The following KCNQ1 variants were observed in gnomAD, a reference collection of about 807,000 sequenced individuals.
KCNQ1 encodes the protein potassium voltage-gated channel subfamily KQT member 1.
A neutral mutation model predicts 72.4 loss-of-function variants in KCNQ1; 49 were observed. The observed-to-expected ratio is 0.68, with a 90% CI of 0.54 to 0.86. The LOEUF (loss-of-function observed/expected upper bound fraction) is 0.86, where lower values mean the gene tolerates loss of function less well. KCNQ1 is among the 40% of genes least tolerant of loss of function. The pLI is 0.00. For missense variants in KCNQ1, 790 were observed against 945.1 expected, an observed-to-expected ratio of 0.84 and a Z score of 2.15; for synonymous variants, 450 against 412.6, an observed-to-expected ratio of 1.09 and a Z score of -1.10.
Position 2,668,171 on chromosome 11 carries a change from T to A in KCNQ1, c.1514+6090T>A, listed in dbSNP as rs548287020. On this transcript the variant is annotated intron_variant, in intron 11 of 15. Transcript: ENST00000155840. This position sits in a 1 kb window ranked among gnomAD's most constrained non-coding sequence, Gnocchi z 4.3. ...GAGAGTGCTCCCTCATGCTCCTTGC[T>A]GACTGGTGCTCCATTGTGTGCATGG... is the stretch of plus-strand genomic sequence containing the variant. 1.0e-5 allele frequency: 4 copies of A among 398,684 alleles called. No homozygotes were observed. In the South Asian group the frequency reaches 3.8e-4, roughly 38 times the overall value. The allele number at this position is 398,684 out of a possible 1,614,324, so 24.7% of individuals were successfully genotyped here.
In KCNQ1 at chr11:2,447,125, T is replaced by TGGAGGAAGA. The variant is rs1006837556; in HGVS notation, c.386+1653_386+1661dup. Among the ~76,000 whole-genome samples the TGGAGGAAGA allele has an allele frequency of 2.1e-4, 32 of 152,198 alleles. No individual in the cohort carries two copies. Among genetic ancestry groups the TGGAGGAAGA allele is most frequent in the African/African-American group, 6.8e-4 (28 of 41,450 alleles). On this transcript the variant is annotated intron_variant, in intron 1 of 15. Coordinates refer to ENST00000155840, the MANE Select transcript of KCNQ1 (RefSeq NM_000218.3). This position sits in a 1 kb window ranked among gnomAD's most constrained non-coding sequence, Gnocchi z 7.6. ...TCCGGGCTCACTGCAGCCACCCGTG[T>TGGAGGAAGA]GGAGGAAGAGGAGGAAGAGGGCTCG...
chr11:2,631,376 C>G (rs1849350139), intron 10 of KCNQ1: 1 of 398,222 alleles, frequency 2.5e-6, no homozygotes. Flanking sequence ...CTGATGCTTT[C>G]TATTTCACTT....
At chr11:2,775,013 G>A (rs1293817471) in intron 12 of KCNQ1, among the ~76,000 whole-genome samples, 3 of 152,178 alleles carry the variant, frequency 2.0e-5, no homozygotes, top group African/African-American at 4.8e-5. Context: ...CACTAGCTCA[G>A]TGCTAAGGTG....
Position 2,691,030 on chromosome 11 carries a change from G to A in KCNQ1, c.1514+28949G>A. 1 of 398,660 alleles carries A rather than the reference G, an allele frequency of 2.5e-6. No individual in the cohort carries two copies. The highest frequency in any genetic ancestry group is 4.4e-6 in the Non-Finnish European group (1 of 226,086). The allele number at this position is 398,660 out of a possible 1,614,324, so 24.7% of individuals were successfully genotyped here. ...AAGCTCTGGGTGAACTCTTGGCTCAGGTATCAGGATATGCTGGGTGAGGGA... is the reference window on the plus strand; with the variant it reads ...AAGCTCTGGGTGAACTCTTGGCTCAAGTATCAGGATATGCTGGGTGAGGGA... On this transcript the variant is annotated intron_variant, in intron 11 of 15. Transcript: ENST00000155840. This position sits in a 1 kb window ranked among gnomAD's most constrained non-coding sequence, Gnocchi z 6.4.
chr11:2,588,831 C>G lies in KCNQ1; in HGVS notation c.1370C>G (p.Ser457Cys). Residue 457 changes from serine (S) to cysteine (C), a missense_variant, in exon 10 of 16, where the codon TCT (serine) becomes TGT (cysteine). By Grantham distance (112) the Ser-to-Cys change is moderately radical (BLOSUM62 -1). This residue lies in a region of KCNQ1 where 178 missense variants were observed against 177.9 expected (regional missense o/e 1.00). Coordinates refer to ENST00000155840, the MANE Select transcript of KCNQ1 (RefSeq NM_000218.3). The surrounding 1 kb of genome is among the most constrained non-coding windows in gnomAD (Gnocchi z 5.6). The stretch of plus-strand genomic sequence containing the variant: ...GAAGAGCGGCGGCTGGACCACTTCT[C>G]TGTCGACGGCTATGACAGTTCTGGT... ...PPEERRLDHF[S>C]VDGYDSSVRK... 1 of 1,612,320 alleles carries G rather than the reference C, an allele frequency of 6.2e-7. No homozygotes were observed. The highest frequency in any genetic ancestry group is 8.5e-7 in the Non-Finnish European group (1 of 1,179,854).
Position 2,797,574 on chromosome 11 carries a change from G to A in KCNQ1, c.1794+19537G>A, listed in dbSNP as rs1378046892. ...ACCCACCACCCTTGCTCCGGAGCTC[G>A]AGGGCCCTTTCCCCACTAGCATCTG... is the stretch of plus-strand genomic sequence containing the variant. On this transcript the variant is annotated intron_variant, in intron 15 of 15. Coordinates refer to ENST00000155840, the MANE Select transcript of KCNQ1 (RefSeq NM_000218.3). Among the ~76,000 whole-genome samples, 6 of 152,158 alleles carry A rather than the reference G, an allele frequency of 3.9e-5. No individual in the cohort carries two copies. The South Asian group carries it at 6.2e-4, about 16-fold the overall frequency.
At position 2,484,255 on chromosome 11, in the gene KCNQ1, C is replaced by T. The variant is rs764470472; in HGVS notation, c.386+38771C>T. 2.0e-5 allele frequency among the ~76,000 whole-genome samples: 3 copies of T among 152,108 alleles called. No individual in the cohort carries two copies. Among genetic ancestry groups the T allele is most frequent in the Admixed American group, 6.5e-5 (1 of 15,268 alleles). ...CTCGGCTCACTGAAACCTCTGCCTC[C>T]GGGGTTCAAGTGATTCTCCTGCCTC... On this transcript the variant is annotated intron_variant, in intron 1 of 15. Coordinates refer to ENST00000155840, the MANE Select transcript of KCNQ1 (RefSeq NM_000218.3). The surrounding 1 kb of genome is among the most constrained non-coding windows in gnomAD (Gnocchi z 5.2).
Position 2,457,268 on chromosome 11 carries a change from A to ATTGGT in KCNQ1, c.386+11784_386+11785insTTGGT, listed in dbSNP as rs1846209776. On this transcript the variant is annotated intron_variant, in intron 1 of 15. Transcript: ENST00000155840. This position sits in a 1 kb window ranked among gnomAD's most constrained non-coding sequence, Gnocchi z 5.0. ...TTCCCAAAGAACCAAGAGTTGAACTACCATTCGATCCAGCAGTCCCGTGTG... is the reference window on the plus strand; with the variant it reads ...TTCCCAAAGAACCAAGAGTTGAACTATTGGTCCATTCGATCCAGCAGTCCCGTGTG... 3.3e-5 allele frequency among the ~76,000 whole-genome samples: 5 copies of ATTGGT among 152,192 alleles called. No homozygotes were observed. The highest frequency in any genetic ancestry group is 1.2e-4 in the African/African-American group (5 of 41,456).
chr11:2,609,657 C>G lies in KCNQ1; in HGVS notation c.1393+20803C>G, dbSNP rs1848945472. The G allele has an allele frequency of 1.8e-5, 7 of 398,356 alleles. No homozygotes were observed. In the South Asian group the frequency reaches 7.6e-4, roughly 43 times the overall value. 24.7% of individuals were successfully genotyped at this position (398,356 alleles called of 1,614,324 possible). ...ACTACTATTGTTGAATTGGCTATTT[C>G]TCTGTTCAGTTCTGTCAGTTTTTGC... On this transcript the variant is annotated intron_variant, in intron 10 of 15. Transcript: ENST00000155840.
rs548339038 is a variant in KCNQ1 at position 2,816,629 on chromosome 11, C to A, written c.1795-31138C>A. On this transcript the variant is annotated intron_variant, in intron 15 of 15. Transcript: ENST00000155840. This position sits in a 1 kb window ranked among gnomAD's most constrained non-coding sequence, Gnocchi z 6.8. The stretch of plus-strand genomic sequence containing the variant: ...GGCAGCAGAAAGGGGGCTATAGGAC[C>A]CTTTGACTCAAGGGCTAACCATGAT... Among the ~76,000 whole-genome samples, 5 of 152,184 alleles carry A rather than the reference C, an allele frequency of 3.3e-5. No homozygotes were observed. In the South Asian group the frequency reaches 6.2e-4, roughly 19 times the overall value.
At position 2,468,799 on chromosome 11, in the gene KCNQ1, G is replaced by GACCC; in HGVS notation, c.386+23317_386+23318insCCAC. Among the ~76,000 whole-genome samples the GACCC allele has an allele frequency of 6.6e-6, 1 of 152,184 alleles. No homozygotes were observed. The highest frequency in any genetic ancestry group is 1.5e-5 in the Non-Finnish European group (1 of 68,034). ...TTGCCGATCCATGCACCTGTTGATG[G>GACCC]ACATGTGGGCGGCTGTATCCCATTT... On this transcript the variant is annotated intron_variant, in intron 1 of 15. Transcript: ENST00000155840. The surrounding 1 kb of genome is among the most constrained non-coding windows in gnomAD (Gnocchi z 5.7).
chr11:2,717,327 C>G (rs904372870), intron 11 of KCNQ1, among the ~76,000 whole-genome samples: 10 of 152,196 alleles, frequency 6.6e-5, no homozygotes, highest in Non-Finnish European at 1.3e-4. Context: ...CCTCGACAGC[C>G]AGGCCCTCCC....
At chr11:2,662,271 T>C (rs1295454732) in intron 11 of KCNQ1, 190 bp downstream of exon 11, 9 of 645,176 alleles carry the variant, frequency 1.4e-5, no homozygotes, top group Non-Finnish European at 2.1e-5. Flanking sequence ...CACTTCCCAC[T>C]GAGCCTGGGA....
rs1811801956 is a variant in KCNQ1, at chr11:2,493,618, A to C, written c.387-34310A>C. ...TTATTAAATAGAGAATCCTTTCCGC[A>C]TTGCTTTTTTGTCAGGTTGGTCAAA... On this transcript the variant is annotated intron_variant, in intron 1 of 15. Coordinates refer to ENST00000155840, the MANE Select transcript of KCNQ1 (RefSeq NM_000218.3). This position sits in a 1 kb window ranked among gnomAD's most constrained non-coding sequence, Gnocchi z 5.3. Among the ~76,000 whole-genome samples, 2 of 152,236 alleles carry C rather than the reference A, an allele frequency of 1.3e-5. No homozygotes were observed. The highest frequency in any genetic ancestry group is 4.1e-4 in the South Asian group (2 of 4,824).
At position 2,445,172 on chromosome 11, in the gene KCNQ1, G is replaced by A; in HGVS notation, c.74G>A (p.Arg25Gln). 2.6e-6 allele frequency: 3 copies of A among 1,133,622 alleles called. No individual in the cohort carries two copies. Among genetic ancestry groups the A allele is most frequent in the Non-Finnish European group, 3.3e-6 (3 of 922,144 alleles). 70.2% of individuals were successfully genotyped at this position (1,133,622 alleles called of 1,614,324 possible). The change falls in exon 1 of 16, where the codon CGG becomes CAG. Residue 25 changes from arginine (R) to glutamine (Q), a missense_variant. Arg to Gln is a conservative substitution (Grantham distance 43, BLOSUM62 1). Around this residue, in one of 5 missense-constraint regions of KCNQ1, gnomAD observed 294 missense variants for 323.3 expected, o/e 0.91. Transcript: ENST00000155840. ...TGGGGCCGCCTGCCAGGCGCCCGGC[G>A]GGGCAGCGCGGGCCTGGCCAAGAAG... ...WGWGRLPGAR[R>Q]GSAGLAKKCP...
At position 2,612,339 on chromosome 11, in the gene KCNQ1, G is replaced by T; in HGVS notation, c.1393+23485G>T. 2.5e-6 allele frequency: 1 copy of T among 398,672 alleles called. No homozygotes were observed. The highest frequency in any genetic ancestry group is 3.6e-5 in the East Asian group (1 of 28,078). 24.7% of individuals were successfully genotyped at this position (398,672 alleles called of 1,614,324 possible). On this transcript the variant is annotated intron_variant, in intron 10 of 15. Transcript: ENST00000155840. This position sits in a 1 kb window ranked among gnomAD's most constrained non-coding sequence, Gnocchi z 5.5. ...ACTAAAGCCTCCCCCAACTGGCTGT[G>T]GAAAAATTGTCTTCCACAAAACTGG...
chr11:2,687,037 T>C lies in KCNQ1; in HGVS notation c.1514+24956T>C, dbSNP rs992956492. ...AGAGCTTAGGGCTAAAACTCAGCAG[T>C]CCCAGCTCTGGGGGACAAGGACCCA... is the stretch of plus-strand genomic sequence containing the variant. On this transcript the variant is annotated intron_variant, in intron 11 of 15. Transcript: ENST00000155840. The surrounding 1 kb of genome is among the most constrained non-coding windows in gnomAD (Gnocchi z 5.0). 3.5e-5 allele frequency: 14 copies of C among 398,504 alleles called. No homozygotes were observed. Among genetic ancestry groups the C allele is most frequent in the African/African-American group, 6.2e-5 (3 of 48,610 alleles). The allele number at this position is 398,504 out of a possible 1,614,324, so 24.7% of individuals were successfully genotyped here. A position where few individuals can be genotyped will look rare whatever the true frequency, so the allele number is the denominator to read the frequency against.
chr11:2,777,506 G>A, intron 14 of KCNQ1: 1 of 539,312 alleles, frequency 1.9e-6, no homozygotes, highest in South Asian at 3.1e-5. Flanking sequence ...CTGGACACGG[G>A]GCTGTGAGTC....
intron 15 of KCNQ1, among the ~76,000 whole-genome samples, chr11:2,834,469 T>C (rs1848020623): frequency 6.6e-6 from 1 of 152,178 alleles, no homozygotes; most frequent in Admixed American, 6.5e-5. Flanking sequence ...CAGCATCCAC[T>C]GCCAGCCTCT....
Sources: gnomAD v4.1 joint callset for allele counts (sites outside exome capture counted in the v4.1 genomes callset) on GRCh38, gnomAD v4.1.1 for gene constraint, gnomAD v4.1.1 regional missense constraint, Gnocchi (gnomAD v3.1) non-coding constraint, MANE v1.5 for transcripts, NCBI Gene and HGNC (gene_info 2026-07-23, HGNC 2026-07-21) for gene names.